UBA6: variants seen among roughly 807,000 people sequenced by gnomAD.
The protein encoded by UBA6 is ubiquitin-like modifier-activating enzyme 6.
UBA6 carries 87 observed loss-of-function variants against 148.3 expected under a neutral mutation model. The observed-to-expected ratio is 0.59, with a 90% CI of 0.49 to 0.70. UBA6 has a LOEUF of 0.70. UBA6 is among the 30% of genes least tolerant of loss of function. The probability of loss-of-function intolerance (pLI) is 0.00; values close to 1 mark genes in which losing one functional copy is unlikely to be tolerated. For synonymous variants in UBA6, 376 were observed against 401.0 expected (o/e 0.94, Z 0.75); for missense variants, 1,186 against 1,241.2 (o/e 0.96, Z 0.67).
chr4:67,620,353 G>A (rs957577336), intron 32 of UBA6, among the ~76,000 whole-genome samples: 3 of 152,124 alleles, frequency 2.0e-5, no homozygotes, highest in Admixed American at 6.5e-5. Context: ...CTTCTTCAAA[G>A]GTAGCTCAAA....
At chr4:67,687,495 T>A (rs1288253999) in intron 2 of UBA6, among the ~76,000 whole-genome samples, 1 of 152,212 alleles carries the variant, frequency 6.6e-6, no homozygotes, top group East Asian at 1.9e-4. Context: ...ACTGTACCAA[T>A]GTTTCTCTAA....
rs565576256 is a variant in UBA6, at chr4:67,634,258, G to C, written c.1997C>G (p.Ala666Gly). The C allele has an allele frequency of 6.3e-7, 1 of 1,594,192 alleles. No individual in the cohort carries two copies. Among genetic ancestry groups the C allele is most frequent in the African/African-American group, 1.4e-5 (1 of 73,734 alleles). Reference protein sequence around the residue: ...FNKFWQTYSSAEEVLQKIQSG... With the variant: ...FNKFWQTYSSGEEVLQKIQSG... The stretch of plus-strand genomic sequence containing the variant: ...GATTTTTACCTGTAAGACTTCTTCT[G>C]CAGATGAATAGGTTTGCCAAAATTT... The change falls in exon 22 of 33, where the codon GCA becomes GGA. Residue 666 changes from alanine (A) to glycine (G), a missense_variant. Coordinates refer to ENST00000322244, the MANE Select transcript of UBA6 (RefSeq NM_018227.6).
intron 32 of UBA6, among the ~76,000 whole-genome samples, chr4:67,620,303 T>G (rs1728723930): frequency 6.6e-6 from 1 of 152,210 alleles, no homozygotes; most frequent in African/African-American, 2.4e-5. Flanking sequence ...ATGTATGCTC[T>G]TTTTAGCTGC....
intron 25 of UBA6, 38 bp from the exon 26 acceptor site, chr4:67,630,573 C>A (rs199666796): frequency 1.4e-6 from 2 of 1,387,970 alleles, no homozygotes; most frequent in South Asian, 2.6e-5. Context: ...TTTGAATGTA[C>A]AGTTTTAAAG....
Position 67,625,010 on chromosome 4 carries a change from G to A in UBA6, c.2696C>T (p.Ala899Val). The A allele has an allele frequency of 6.2e-7, 1 of 1,607,816 alleles. No homozygotes were observed. Among genetic ancestry groups the A allele is most frequent in the East Asian group, 2.2e-5 (1 of 44,792 alleles). Residue 899 changes from alanine (A) to valine (V), a missense_variant, in exon 29 of 33, where the codon GCT becomes GTT. Ala to Val is a moderately conservative substitution (Grantham distance 64, BLOSUM62 0). Coordinates refer to ENST00000322244, the MANE Select transcript of UBA6 (RefSeq NM_018227.6). ...TAAACTTACCAAGCCAGAAACTGTA[G>A]CAGTGGTTGTTGCTATAGCAGGTAT... ...KIIPAIATTT[A>V]TVSGLVALEM...
intron 27 of UBA6, 66 bp from the exon 28 acceptor site, chr4:67,626,543 A>G (rs1728873872): frequency 2.0e-6 from 2 of 991,160 alleles, no homozygotes; most frequent in Non-Finnish European, 3.0e-6. Context: ...TTACCATTTA[A>G]CTGTTTTATC....
chr4:67,681,928 T>C (rs2109950730), intron 3 of UBA6, among the ~76,000 whole-genome samples, 191 bp downstream of exon 3: 1 of 152,308 alleles, frequency 6.6e-6, no homozygotes, highest in African/African-American at 2.4e-5. Context: ...AAAGAAGCAA[T>C]GAGTCATTAT....
At position 67,685,696 on chromosome 4, in the gene UBA6, G is replaced by A. The variant is rs1161013111; in HGVS notation, c.135-3483C>T. Among the ~76,000 whole-genome samples, 11 of 152,056 alleles carry A rather than the reference G, an allele frequency of 7.2e-5. 1 individual carries two copies. The highest frequency in any genetic ancestry group is 6.6e-4 in the Admixed American group (10 of 15,262). The stretch of plus-strand genomic sequence containing the variant: ...TTTAGGTCATGAGGGCTCTACCCTC[G>A]TGAATTGATTAATACCATTATTGTA... On this transcript the variant is annotated intron_variant, in intron 2 of 32. Transcript: ENST00000322244.
chr4:67,683,400 T>C (rs1468277114), intron 2 of UBA6, among the ~76,000 whole-genome samples: 1 of 152,188 alleles, frequency 6.6e-6, no homozygotes, highest in African/African-American at 2.4e-5. Flanking sequence ...TTCATTTATA[T>C]TGTATTCTGA....
chr4:67,666,520 C>T (rs918519675), intron 9 of UBA6, among the ~76,000 whole-genome samples: 2 of 152,018 alleles, frequency 1.3e-5, no homozygotes, highest in Non-Finnish European at 2.9e-5. Flanking sequence ...CCTATTTAAA[C>T]ATATACACAC....
chr4:67,650,214 G>A (rs920570418), intron 13 of UBA6, among the ~76,000 whole-genome samples: 5 of 152,000 alleles, frequency 3.3e-5, no homozygotes, highest in Non-Finnish European at 7.4e-5. Context: ...TACCATGCCA[G>A]GTTATCTATT....
chr4:67,654,895 A>G (rs1421658495), intron 13 of UBA6, among the ~76,000 whole-genome samples: 6 of 150,886 alleles, frequency 4.0e-5, no homozygotes. Context: ...TTGCAATCCT[A>G]GTCTCTGATA....
Position 67,646,785 on chromosome 4 carries a change from G to C in UBA6, c.1255C>G (p.Leu419Val). The change falls in exon 15 of 33, where the codon CTT (leucine) becomes GTT (valine). Residue 419 changes from leucine to valine, a missense_variant. Coordinates refer to ENST00000322244, the MANE Select transcript of UBA6 (RefSeq NM_018227.6). Reference sequence around the variant, plus strand: ...GATTCAACAATATCTGCTGCTTCAAGATATAACTTAAAGTAGAAGATTAAA... The same window carrying C: ...GATTCAACAATATCTGCTGCTTCAACATATAACTTAAAGTAGAAGATTAAA... ...KFSPLCQWLY[L>V]EAADIVESLG... 1 of 1,598,562 alleles carries C rather than the reference G, an allele frequency of 6.3e-7. No homozygotes were observed. Among genetic ancestry groups the C allele is most frequent in the Non-Finnish European group, 8.5e-7 (1 of 1,172,152 alleles).
intron 16 of UBA6, 29 bp downstream of exon 16, chr4:67,645,909 A>G: frequency 1.4e-6 from 2 of 1,409,816 alleles, no homozygotes; most frequent in Admixed American, 1.9e-5. Context: ...CAGTTTGAAC[A>G]TACTATTCCC....
chr4:67,631,710 A>G lies in UBA6; in HGVS notation c.2256T>C (p.Pro752=). The stretch of plus-strand genomic sequence containing the variant: ...TAAAACTAAATATAAATACTTACAA[A>G]GGCTCATTTAAATCAAATTTTATTG... The part of the protein sequence containing the change: ...PSPIKFDLNE[P]LHLSFLQNAA... Residue 752 remains proline (P), a splice_region_variant and synonymous_variant, in exon 25 of 33, where the codon CCT becomes CCC. Transcript: ENST00000322244. 2.5e-6 allele frequency: 4 copies of G among 1,603,506 alleles called. No homozygotes were observed. Among genetic ancestry groups the G allele is most frequent in the Non-Finnish European group, 3.4e-6 (4 of 1,173,928 alleles).
intron 26 of UBA6, among the ~76,000 whole-genome samples, chr4:67,629,973 A>G (rs1728958090): frequency 6.6e-6 from 1 of 152,106 alleles, no homozygotes; most frequent in Non-Finnish European, 1.5e-5. Context: ...TTTAGATGTT[A>G]GTCAATGAAG....
chr4:67,625,430 A>C lies in UBA6; in HGVS notation c.2519-243T>G, dbSNP rs377753103. Among the ~76,000 whole-genome samples the C allele has an allele frequency of 8.6e-5, 13 of 151,916 alleles. No homozygotes were observed. The East Asian group carries it at 1.3e-3, about 16-fold the overall frequency. ...AAAAACGATGGTTTTAATGCCACTA[A>C]ACTAGAGACGTTTCTGTATTTAAAA... On this transcript the variant is annotated intron_variant, in intron 28 of 32. Transcript: ENST00000322244.
At chr4:67,681,671 T>A in intron 3 of UBA6, 80 bp from the exon 4 acceptor site, 1 of 923,402 alleles carries the variant, frequency 1.1e-6, no homozygotes, top group Non-Finnish European at 1.6e-6. Flanking sequence ...TAGTCACATA[T>A]CTGACTGCAT....
chr4:67,673,415 C>CG (rs1730198004), intron 7 of UBA6, among the ~76,000 whole-genome samples: 1 of 114,882 alleles, frequency 8.7e-6, no homozygotes, highest in East Asian at 2.4e-4. Context: ...GACTCTGTCT[C>CG]GGGAAAAAAA....
Sources: allele counts gnomAD v4.1 joint callset (sites outside exome capture counted in the v4.1 genomes callset), GRCh38; gene constraint gnomAD v4.1.1; transcripts MANE v1.5; gene names NCBI Gene and HGNC (gene_info 2026-07-23, HGNC 2026-07-21).